DLGAP1: variants seen among roughly 807,000 people sequenced by gnomAD.
DLGAP1 encodes disks large-associated protein 1.
DLGAP1 carries 11 observed loss-of-function variants against 90.8 expected under a neutral mutation model. The ratio of observed to expected loss-of-function variants is 0.12; its 90% CI spans 0.08 to 0.20. DLGAP1 has a LOEUF of 0.20. Among genes scored for constraint, DLGAP1 ranks in the 10% least tolerant of loss-of-function variants. The probability of loss-of-function intolerance (pLI) is 1.00; values close to 1 mark genes in which losing one functional copy is unlikely to be tolerated. For synonymous variants in DLGAP1, 558 were observed against 540.7 expected, an observed-to-expected ratio of 1.03 and a Z score of -0.44; for missense variants, 1,050 against 1,333.8, an observed-to-expected ratio of 0.79 and a Z score of 3.31.
intron 1 of DLGAP1, among the ~76,000 whole-genome samples, chr18:4,275,839 T>C (rs1286613876): frequency 6.6e-6 from 1 of 152,188 alleles, no homozygotes; most frequent in Non-Finnish European, 1.5e-5. Context: ...ATATTTATTC[T>C]GAAGAAATAA....
At chr18:4,329,522 T>C (rs1197141857) in intron 1 of DLGAP1, among the ~76,000 whole-genome samples, 3 of 151,982 alleles carry the variant, frequency 2.0e-5, no homozygotes, top group Non-Finnish European at 4.4e-5. Flanking sequence ...CAATCTACTA[T>C]AATGTTTTAT....
chr18:3,639,943 A>G (rs2146300237), intron 7 of DLGAP1, among the ~76,000 whole-genome samples: 1 of 149,166 alleles, frequency 6.7e-6, no homozygotes, highest in East Asian at 1.9e-4. Context: ...TTTAGTAGAG[A>G]CAGGGTTTCA....
intron 1 of DLGAP1, among the ~76,000 whole-genome samples, chr18:4,385,389 C>T (rs2082209537): frequency 6.6e-6 from 1 of 152,136 alleles, no homozygotes; most frequent in Non-Finnish European, 1.5e-5. Flanking sequence ...CCTCAGACCC[C>T]CTGAAATCTG....
intron 5 of DLGAP1, among the ~76,000 whole-genome samples, chr18:3,802,933 GA>G (rs1192954841): frequency 1.3e-5 from 2 of 152,156 alleles, no homozygotes; most frequent in Non-Finnish European, 2.9e-5. Context: ...AATCATCTTT[GA>G]GGATCCTTTT....
At chr18:3,887,651 C>T (rs991864467) in intron 3 of DLGAP1, among the ~76,000 whole-genome samples, 4 of 152,018 alleles carry the variant, frequency 2.6e-5, no homozygotes, top group African/African-American at 9.7e-5. Flanking sequence ...TTTTTTTAGA[C>T]AGAACAAAAT....
At chr18:3,655,413 G>A (rs2059448310) in intron 7 of DLGAP1, 1 of 152,020 alleles carries the variant, frequency 6.6e-6, no homozygotes, top group Non-Finnish European at 1.5e-5. Flanking sequence ...ATATTCTTGG[G>A]GTTACTCAGC....
chr18:4,127,481 T>A (rs1254611192), intron 2 of DLGAP1, among the ~76,000 whole-genome samples: 18 of 152,134 alleles, frequency 1.2e-4, no homozygotes, highest in Non-Finnish European at 2.9e-5. Context: ...TTCAGAAGAA[T>A]ACATCTGGAA....
chr18:4,304,960 C>T (rs2080213772), intron 1 of DLGAP1, among the ~76,000 whole-genome samples: 1 of 151,348 alleles, frequency 6.6e-6, no homozygotes, highest in Admixed American at 6.6e-5. Flanking sequence ...TCATTGTGAA[C>T]TTTGCTAACA....
chr18:4,020,340 G>A (rs919330361), intron 2 of DLGAP1, among the ~76,000 whole-genome samples: 2 of 152,138 alleles, frequency 1.3e-5, no homozygotes, highest in Admixed American at 6.6e-5. Context: ...TTGGTTTATC[G>A]TCCCAAGGTT....
intron 1 of DLGAP1, among the ~76,000 whole-genome samples, chr18:4,247,922 T>C (rs1454871545): frequency 6.6e-6 from 1 of 152,196 alleles, no homozygotes; most frequent in Non-Finnish European, 1.5e-5. Context: ...TTCTATTTGA[T>C]CTTCAAATTC....
chr18:3,662,020 A>G (rs944870154), intron 7 of DLGAP1, among the ~76,000 whole-genome samples: 23 of 152,232 alleles, frequency 1.5e-4, no homozygotes, highest in African/African-American at 4.3e-4. Context: ...TGTGGAAAAT[A>G]GAAAATATAC....
At chr18:4,150,303 C>G (rs891072013) in intron 2 of DLGAP1, among the ~76,000 whole-genome samples, 4 of 152,180 alleles carry the variant, frequency 2.6e-5, no homozygotes, top group Non-Finnish European at 5.9e-5. Flanking sequence ...TGGTAAGACC[C>G]TTCTTTTTTT....
rs369671379 is a variant in DLGAP1 at position 3,623,110 on chromosome 18, C to T, written c.1592-40862G>A. 1.6e-4 allele frequency among the ~76,000 whole-genome samples: 24 copies of T among 152,036 alleles called. 3 individuals carry two copies. The highest frequency in any genetic ancestry group is 2.4e-4 in the African/African-American group (10 of 41,498). ...GTGAGCCACCAGCCTGGCCTGATTT[C>T]AGTACTGGAATGGCCTCATGTCAGC... On this transcript the variant is annotated intron_variant, in intron 7 of 12. Transcript: ENST00000315677.
chr18:3,572,143 A>G lies in DLGAP1; in HGVS notation c.1966-4562T>C, dbSNP rs377312695. ...GCCCAGGCTGGAGTGCAATGGCGCGATCTCGGCTCACCGCAACCTACCCCT... is the reference window on the plus strand; with the variant it reads ...GCCCAGGCTGGAGTGCAATGGCGCGGTCTCGGCTCACCGCAACCTACCCCT... On this transcript the variant is annotated intron_variant, in intron 8 of 12. Coordinates refer to ENST00000315677, the MANE Select transcript of DLGAP1 (RefSeq NM_004746.4). Among the ~76,000 whole-genome samples the G allele has an allele frequency of 4.4e-4, 60 of 135,830 alleles. No individual in the cohort carries two copies. The East Asian group carries it at 9.4e-3, about 21-fold the overall frequency. 89.1% of individuals were successfully genotyped at this position (135,830 alleles called of 152,430 possible).
intron 1 of DLGAP1, among the ~76,000 whole-genome samples, chr18:4,369,605 C>G (rs28496698): frequency 6.6e-6 from 1 of 151,626 alleles, no homozygotes; most frequent in Non-Finnish European, 1.5e-5. Context: ...GAAACAGAGG[C>G]AATGACTCAC....
At chr18:4,300,439 C>T (rs1369425407) in intron 1 of DLGAP1, among the ~76,000 whole-genome samples, 1 of 152,152 alleles carries the variant, frequency 6.6e-6, no homozygotes, top group Non-Finnish European at 1.5e-5. Context: ...TATTCCCACC[C>T]TATGTACAGA....
chr18:3,877,421 A>G (rs2071032034), intron 4 of DLGAP1, among the ~76,000 whole-genome samples: 1 of 152,160 alleles, frequency 6.6e-6, no homozygotes, highest in Non-Finnish European at 1.5e-5. Context: ...TAATCTCATC[A>G]TTACTTACTT....
chr18:3,734,686 C>T (rs1040984669), intron 6 of DLGAP1, among the ~76,000 whole-genome samples: 4 of 152,106 alleles, frequency 2.6e-5, no homozygotes, highest in African/African-American at 7.2e-5. Context: ...TATTTACTGG[C>T]TTTTGACTTA....
In DLGAP1 at chr18:3,742,483, T is replaced by C. The variant is rs1464602715; in HGVS notation, c.1202A>G (p.Gln401Arg). 1 of 1,614,184 alleles carries C rather than the reference T, an allele frequency of 6.2e-7. No individual in the cohort carries two copies. Among genetic ancestry groups the C allele is most frequent in the Non-Finnish European group, 8.5e-7 (1 of 1,180,026 alleles). ...CCTCAGGTAACTATGACTCCGGATC[T>C]GGAGTTTGGGTGAGTGTTCATTGGA... ...KISNEHSPKL[Q>R]IRSHSYLRAV... Residue 401 changes from glutamine to arginine, a missense_variant, in exon 6 of 13, where the codon CAG becomes CGG. By Grantham distance (43) the Gln-to-Arg change is conservative (BLOSUM62 1). This residue lies in a region of DLGAP1 where 565 missense variants were observed against 879.7 expected (regional missense o/e 0.64). Coordinates refer to ENST00000315677, the MANE Select transcript of DLGAP1 (RefSeq NM_004746.4).
Sources: allele counts gnomAD v4.1 joint callset (sites outside exome capture counted in the v4.1 genomes callset), GRCh38; gene constraint gnomAD v4.1.1; regional missense constraint gnomAD v4.1.1; transcripts MANE v1.5; gene names NCBI Gene and HGNC (gene_info 2026-07-23, HGNC 2026-07-21).